CFAP91: variants seen among roughly 807,000 people sequenced by gnomAD.
CFAP91 encodes cilia and flagella associated protein 91, also known as cilia- and flagella-associated protein 91.
Under a neutral mutation model 95.9 loss-of-function variants are expected in CFAP91, and 85 were observed. The ratio of observed to expected loss-of-function variants is 0.89; its 90% CI spans 0.74 to 1.06. The LOEUF (loss-of-function observed/expected upper bound fraction) is 1.06, where lower values mean the gene tolerates loss of function less well. Among genes scored for constraint, CFAP91 ranks in the 50% least tolerant of loss-of-function variants. The pLI is 0.00. For missense variants in CFAP91, 962 were observed against 943.4 expected, an observed-to-expected ratio of 1.02 and a Z score of -0.26; for synonymous variants, 335 against 327.5, an observed-to-expected ratio of 1.02 and a Z score of -0.25.
At chr3:119,710,160 A>G (rs908000268) in intron 5 of CFAP91, 26 of 355,828 alleles carry the variant, frequency 7.3e-5, no homozygotes, top group Middle Eastern at 1.5e-3. Flanking sequence ...ATATGTTTAT[A>G]TGTATATGAT....
intron 13 of CFAP91, chr3:119,740,935 A>C (rs1351356913): frequency 4.3e-6 from 2 of 468,792 alleles, no homozygotes; most frequent in African/African-American, 4.0e-5. Context: ...GCTCACTGCA[A>C]CCTCTGCCTC....
In CFAP91 at chr3:119,744,075, G is replaced by A. The variant is rs1285338147; in HGVS notation, c.1781G>A (p.Arg594Lys). Residue 594 changes from arginine to lysine, a missense_variant, in exon 14 of 18, where the codon AGG becomes AAG. Arg to Lys is a conservative substitution (Grantham distance 26). Transcript: ENST00000273390. ...GAGCTGGTGAGACTGCAGGAGGAGA[G>A]GAGGATCCATGCCTTTGTCATGCTG... ...SKELVRLQEE[R>K]RIHAFVMLAE... 8 of 1,614,104 alleles carry A rather than the reference G, an allele frequency of 5.0e-6. No homozygotes were observed. In the Admixed American group the frequency reaches 1.2e-4, roughly 24 times the overall value.
intron 10 of CFAP91, among the ~76,000 whole-genome samples, 161 bp downstream of exon 10, chr3:119,733,667 A>G (rs1202812156): frequency 6.6e-6 from 1 of 152,080 alleles, no homozygotes; most frequent in East Asian, 1.9e-4. Flanking sequence ...ACCAATGTGT[A>G]TTTCCCCTCA....
In CFAP91 at chr3:119,703,208, A is replaced by T. The variant is rs761031580; in HGVS notation, c.110A>T (p.Tyr37Phe). 1 of 1,612,232 alleles carries T rather than the reference A, an allele frequency of 6.2e-7. No homozygotes were observed. Among genetic ancestry groups the T allele is most frequent in the South Asian group, 1.1e-5 (1 of 90,586 alleles). Residue 37 changes from tyrosine (Y) to phenylalanine (F), a missense_variant, in exon 1 of 18, where the codon TAT becomes TTT. By Grantham distance (22) the Tyr-to-Phe change is conservative. Coordinates refer to ENST00000273390, the MANE Select transcript of CFAP91 (RefSeq NM_033364.4). ...AGCCACATCTCCTCCAATCGAGCGT[A>T]TGATTTTCTGTACGGTAAGGACCGC... is the stretch of plus-strand genomic sequence containing the variant. Reference protein sequence around the residue: ...AGSHISSNRAYDFLYDPLFIV... With the variant: ...AGSHISSNRAFDFLYDPLFIV...
At position 119,765,405 on chromosome 3, in the gene CFAP91, T is replaced by C. The variant is rs748328115; in HGVS notation, c.*355T>C. ...GTTTTGGTTCACTATTCACAGGACA[T>C]TGGCATTATCTACTAAGGCTGAAAA... is the stretch of plus-strand genomic sequence containing the variant. On this transcript the variant is annotated 3_prime_UTR_variant, in exon 18 of 18. Coordinates refer to ENST00000273390, the MANE Select transcript of CFAP91 (RefSeq NM_033364.4). 6.6e-6 allele frequency: 1 copy of C among 152,202 alleles called. No individual in the cohort carries two copies. Among genetic ancestry groups the C allele is most frequent in the African/African-American group, 2.4e-5 (1 of 41,454 alleles). The allele number at this position is 152,202 out of a possible 1,614,324, so 9.4% of individuals were successfully genotyped here.
At chr3:119,750,828 G>A (rs1016560093) in intron 16 of CFAP91, 109 bp from the exon 17 acceptor site, 5 of 1,266,940 alleles carry the variant, frequency 3.9e-6, no homozygotes, top group Admixed American at 1.9e-5. Context: ...TTTGGGTTGG[G>A]TTTTACCTTT....
chr3:119,737,407 A>ACC lies in CFAP91; in HGVS notation c.1390_1391dup (p.Arg465LeufsTer21). ...AGAATAAAGTTCTTGAAGTAAAGAA[A>ACC]CCCCCTCGCTTCCTTCAAAGAAACC... On this transcript the variant is annotated frameshift_variant, in exon 11 of 18. Transcript: ENST00000273390. LOFTEE classifies it high-confidence loss of function. The ACC allele has an allele frequency of 6.2e-7, 1 of 1,610,262 alleles. No individual in the cohort carries two copies. The highest frequency in any genetic ancestry group is 8.5e-7 in the Non-Finnish European group (1 of 1,178,402).
Position 119,744,033 on chromosome 3 carries a change from T to G in CFAP91, c.1739T>G (p.Phe580Cys). ...GAAGGAAGGGCACTAGCAGACATGT[T>G]TGACTTCCTGTCCAAAGAGCTGGTG... The part of the protein sequence containing the change: ...GLEGRALADM[F>C]DFLSKELVRL... Residue 580 changes from phenylalanine (F) to cysteine (C), a missense_variant, in exon 14 of 18, where the codon TTT (phenylalanine) becomes TGT (cysteine). Transcript: ENST00000273390. The G allele has an allele frequency of 1.2e-6, 2 of 1,614,184 alleles. No individual in the cohort carries two copies. The highest frequency in any genetic ancestry group is 1.7e-6 in the Non-Finnish European group (2 of 1,179,984).
chr3:119,750,946 C>G lies in CFAP91; in HGVS notation c.2153C>G (p.Ala718Gly). 1 of 1,613,910 alleles carries G rather than the reference C, an allele frequency of 6.2e-7. No individual in the cohort carries two copies. Among genetic ancestry groups the G allele is most frequent in the East Asian group, 2.2e-5 (1 of 44,886 alleles). Residue 718 changes from alanine (A) to glycine (G), a missense_variant, in exon 17 of 18, where the codon GCA (alanine) becomes GGA (glycine). By Grantham distance (60) the Ala-to-Gly change is moderately conservative. Coordinates refer to ENST00000273390, the MANE Select transcript of CFAP91 (RefSeq NM_033364.4). ...KYFVKEKVRN[A>G]QRKHILAAHQ... ...TATTACTTTGGCACAGTGAGGAACG[C>G]ACAGCGGAAACATATTCTTGCAGCC...
intron 6 of CFAP91, among the ~76,000 whole-genome samples, chr3:119,725,297 C>T (rs1238194515): frequency 1.3e-5 from 2 of 152,230 alleles, no homozygotes; most frequent in African/African-American, 4.8e-5. Context: ...GGTCAGGAGA[C>T]ATATCCAGTG....
At chr3:119,751,843 A>G (rs1323173791) in intron 17 of CFAP91, among the ~76,000 whole-genome samples, 1 of 152,224 alleles carries the variant, frequency 6.6e-6, no homozygotes, top group Admixed American at 6.5e-5. Context: ...TTCCATAGGC[A>G]TAGCTTCCAG....
intron 12 of CFAP91, 133 bp downstream of exon 12, chr3:119,739,459 C>T: frequency 1.3e-6 from 1 of 746,426 alleles, no homozygotes; most frequent in Admixed American, 2.6e-5. Context: ...CTTGAGTTGC[C>T]TACCCATTTC....
At chr3:119,747,964 C>T in intron 16 of CFAP91, 62 bp downstream of exon 16, 2 of 1,263,704 alleles carry the variant, frequency 1.6e-6, no homozygotes, top group Non-Finnish European at 2.3e-6. Context: ...TTTCAATATC[C>T]CAGAGATTTA....
chr3:119,732,495 T>A lies in CFAP91; in HGVS notation c.1201+19T>A. ...TATGAAGGTAAGCAATTTACATAAT[T>A]AGAAATCCAGTATAAGAAGGTTGTC... On this transcript the variant is annotated intron_variant, in intron 9 of 17. Coordinates refer to ENST00000273390, the MANE Select transcript of CFAP91 (RefSeq NM_033364.4). 1.3e-6 allele frequency: 2 copies of A among 1,486,512 alleles called. No homozygotes were observed. Among genetic ancestry groups the A allele is most frequent in the Non-Finnish European group, 9.1e-7 (1 of 1,096,934 alleles). The allele number at this position is 1,486,512 out of a possible 1,614,324, so 92.1% of individuals were successfully genotyped here. A position where few individuals can be genotyped will look rare whatever the true frequency, so the allele number is the denominator to read the frequency against.
In CFAP91 at chr3:119,745,616, C is replaced by G. The variant is rs4687881; in HGVS notation, c.1902+1420C>G. ...TAAACTTTCCACCTCTCTACTATTA[C>G]GTGACTGAGCTAATTGATCCATATA... On this transcript the variant is annotated intron_variant, in intron 14 of 17. Transcript: ENST00000273390. Among the ~76,000 whole-genome samples, 670 of 152,342 alleles carry G rather than the reference C, an allele frequency of 4.4e-3. 8 individuals carry two copies. Among genetic ancestry groups the G allele is most frequent in the African/African-American group, 0.016 (652 of 41,584 alleles).
At chr3:119,747,393 AT>A in intron 15 of CFAP91, 130 bp downstream of exon 15, 1 of 1,056,720 alleles carries the variant, frequency 9.5e-7, no homozygotes, top group Non-Finnish European at 1.3e-6. Flanking sequence ...CCATTGTTTT[AT>A]TAACATTAAC....
At chr3:119,727,267 T>G (rs13316524) in intron 7 of CFAP91, among the ~76,000 whole-genome samples, 2,476 of 152,334 alleles carry the variant, frequency 0.016, 60 homozygotes, top group African/African-American at 0.056. Flanking sequence ...ACCTTCAGAT[T>G]AAGCCTGAAT....
rs890613670 is a variant in CFAP91, at chr3:119,765,226, A to T, written c.*176A>T. The T allele has an allele frequency of 2.8e-4, 42 of 152,242 alleles. No individual in the cohort carries two copies. The highest frequency in any genetic ancestry group is 9.9e-4 in the African/African-American group (41 of 41,468). 9.4% of individuals were successfully genotyped at this position (152,242 alleles called of 1,614,324 possible). A position where few individuals can be genotyped will look rare whatever the true frequency, so the allele number is the denominator to read the frequency against. On this transcript the variant is annotated 3_prime_UTR_variant, in exon 18 of 18. Transcript: ENST00000273390. Reference sequence around the variant, plus strand: ...AAAATGATTTTCAATAATAATAATCAAATGAAAAAGCTTCATTCTCTTCAG... The same window carrying T: ...AAAATGATTTTCAATAATAATAATCTAATGAAAAAGCTTCATTCTCTTCAG...
intron 17 of CFAP91, among the ~76,000 whole-genome samples, chr3:119,759,636 A>G (rs1383388169): frequency 6.6e-6 from 1 of 152,040 alleles, no homozygotes; most frequent in Middle Eastern, 3.2e-3. Context: ...ACTTTTTAGT[A>G]TGAAGGTTAA....
Sources: gnomAD v4.1 joint callset for allele counts (sites outside exome capture counted in the v4.1 genomes callset) on GRCh38, gnomAD v4.1.1 for gene constraint, MANE v1.5 for transcripts, NCBI Gene and HGNC (gene_info 2026-07-23, HGNC 2026-07-21) for gene names.